The following ETFDH variants were observed in gnomAD, a reference collection of about 807,000 sequenced individuals.
The protein encoded by ETFDH is electron transfer flavoprotein-ubiquinone oxidoreductase, mitochondrial.
In ETFDH, 61 loss-of-function variants were observed where a neutral mutation model predicts 73.2. The observed-to-expected ratio is 0.83, with a 90% CI of 0.68 to 1.03. The LOEUF (loss-of-function observed/expected upper bound fraction) is 1.03. Among genes scored for constraint, ETFDH ranks in the 50% least tolerant of loss-of-function variants. The pLI is 0.00. For synonymous variants in ETFDH, 243 were observed against 253.3 expected (o/e 0.96, Z 0.39); for missense variants, 685 against 745.0 (o/e 0.92, Z 0.94).
intron 10 of ETFDH, among the ~76,000 whole-genome samples, chr4:158,704,956 T>C (rs1001362233): frequency 2.6e-5 from 4 of 152,102 alleles, no homozygotes. Context: ...TCGTTCCTTG[T>C]TGGACCACCA....
intron 12 of ETFDH, among the ~76,000 whole-genome samples, chr4:158,707,115 G>A (rs1307741934): frequency 3.3e-5 from 5 of 151,398 alleles, no homozygotes; most frequent in Admixed American, 3.3e-4. Context: ...TCTCTTTGCA[G>A]GTTCATGTGA....
chr4:158,691,188 C>T (rs1178144353), intron 6 of ETFDH, among the ~76,000 whole-genome samples: 2 of 152,192 alleles, frequency 1.3e-5, no homozygotes, highest in Non-Finnish European at 2.9e-5. Flanking sequence ...GGCCATCAAT[C>T]CACTGCATTA....
intron 5 of ETFDH, among the ~76,000 whole-genome samples, chr4:158,689,749 A>G (rs1018479627): frequency 3.3e-5 from 5 of 150,998 alleles, no homozygotes; most frequent in Non-Finnish European, 7.4e-5. Flanking sequence ...GTACTTTACT[A>G]TCCAGCGAGC....
chr4:158,699,760 A>G (rs1774409001), intron 9 of ETFDH, among the ~76,000 whole-genome samples: 1 of 152,140 alleles, frequency 6.6e-6, no homozygotes. Flanking sequence ...ACCTAGTAAC[A>G]TTCATGCCTT....
chr4:158,704,767 T>G (rs1774563079), intron 10 of ETFDH, among the ~76,000 whole-genome samples: 1 of 152,290 alleles, frequency 6.6e-6, no homozygotes, highest in Middle Eastern at 3.4e-3. Context: ...TAAATGTTCC[T>G]CTAGTTAGAG....
chr4:158,678,147 T>C (rs1773758012), intron 1 of ETFDH, among the ~76,000 whole-genome samples: 1 of 152,234 alleles, frequency 6.6e-6, no homozygotes, highest in Non-Finnish European at 1.5e-5. Flanking sequence ...AAATTAACAT[T>C]GATGAAATAA....
intron 1 of ETFDH, among the ~76,000 whole-genome samples, chr4:158,676,435 C>T (rs1773713225): frequency 1.3e-5 from 2 of 152,274 alleles, no homozygotes; most frequent in African/African-American, 4.8e-5. Context: ...CAGAATCTTG[C>T]CACCTCCAGC....
chr4:158,680,671 G>T, intron 2 of ETFDH, 64 bp downstream of exon 2: 1 of 1,333,440 alleles, frequency 7.5e-7, no homozygotes, highest in South Asian at 1.2e-5. Flanking sequence ...ATTTTGTGGA[G>T]GAGAGTATTA....
At chr4:158,688,991 C>G (rs1272568039) in intron 5 of ETFDH, among the ~76,000 whole-genome samples, 3 of 152,130 alleles carry the variant, frequency 2.0e-5, no homozygotes, top group East Asian at 3.9e-4. Context: ...CACAGGAAGA[C>G]AGGAGGCATC....
At chr4:158,676,459 A>C (rs142512479) in intron 1 of ETFDH, among the ~76,000 whole-genome samples, 4 of 152,328 alleles carry the variant, frequency 2.6e-5, no homozygotes, top group African/African-American at 9.6e-5. Context: ...ATGACTCTTA[A>C]ACCATAATTT....
intron 9 of ETFDH, among the ~76,000 whole-genome samples, chr4:158,701,120 A>G (rs1241093148): frequency 6.6e-6 from 1 of 152,186 alleles, no homozygotes; most frequent in African/African-American, 2.4e-5. Context: ...CAGCCCACCC[A>G]AGGTAGGATC....
chr4:158,708,591 G>A lies in ETFDH; in HGVS notation c.*64G>A. 7.5e-7 allele frequency: 1 copy of A among 1,339,462 alleles called. No individual in the cohort carries two copies. The highest frequency in any genetic ancestry group is 1.1e-6 in the Non-Finnish European group (1 of 931,096). The allele number at this position is 1,339,462 out of a possible 1,614,324, so 83.0% of individuals were successfully genotyped here. ...ACGTTAAAATGTTTAGAGATTAACA[G>A]ATTTCAGAATGTCTTTCTGCATATT... On this transcript the variant is annotated 3_prime_UTR_variant, in exon 13 of 13. Coordinates refer to ENST00000511912, the MANE Select transcript of ETFDH (RefSeq NM_004453.4).
At chr4:158,703,628 T>C in intron 10 of ETFDH, 37 bp downstream of exon 10, 1 of 1,262,420 alleles carries the variant, frequency 7.9e-7, no homozygotes, top group Non-Finnish European at 1.2e-6. Flanking sequence ...AAAAGAAAAT[T>C]GCTGGGTTAT....
intron 5 of ETFDH, among the ~76,000 whole-genome samples, chr4:158,687,376 T>C (rs938533842): frequency 2.0e-5 from 3 of 152,180 alleles, no homozygotes; most frequent in African/African-American, 7.2e-5. Context: ...GTTCAGCATG[T>C]CAAAGCACCA....
rs565067140 is a variant in ETFDH at position 158,692,744 on chromosome 4, A to AT, written c.684+2324dup. ...ACAAATTCTACCATTCTGATATTTC[A>AT]TTTTTGTGTGTTCTCATTTGTTCAA... is the stretch of plus-strand genomic sequence containing the variant. On this transcript the variant is annotated intron_variant, in intron 6 of 12. Coordinates refer to ENST00000511912, the MANE Select transcript of ETFDH (RefSeq NM_004453.4). 8.6e-4 allele frequency among the ~76,000 whole-genome samples: 129 copies of AT among 149,862 alleles called. No homozygotes were observed. The Middle Eastern group carries it at 0.011, about 12-fold the overall frequency.
At chr4:158,701,021 C>G (rs914260024) in intron 9 of ETFDH, 6 of 152,100 alleles carry the variant, frequency 3.9e-5, no homozygotes, top group Non-Finnish European at 2.9e-5. Flanking sequence ...CTGACTATAC[C>G]AAAAATCATC....
intron 10 of ETFDH, among the ~76,000 whole-genome samples, chr4:158,704,385 T>C (rs1233937778): frequency 6.6e-6 from 1 of 152,170 alleles, no homozygotes; most frequent in Non-Finnish European, 1.5e-5. Context: ...CTTTACCAAC[T>C]CCAGCCACAC....
At chr4:158,682,062 T>G in intron 2 of ETFDH, 133 bp from the exon 3 acceptor site, 1 of 1,196,322 alleles carries the variant, frequency 8.4e-7, no homozygotes, top group Non-Finnish European at 1.2e-6. Context: ...ATGCTTAATA[T>G]AATTATTGTG....
At chr4:158,701,444 G>C (rs1004266203) in intron 9 of ETFDH, among the ~76,000 whole-genome samples, 1 of 152,116 alleles carries the variant, frequency 6.6e-6, no homozygotes, top group Non-Finnish European at 1.5e-5. Context: ...CCTGAGTTTG[G>C]TCTGAGAACC....
Sources: allele counts gnomAD v4.1 joint callset (sites outside exome capture counted in the v4.1 genomes callset), GRCh38; gene constraint gnomAD v4.1.1; transcripts MANE v1.5; gene names NCBI Gene and HGNC (gene_info 2026-07-23, HGNC 2026-07-21).